Variants in MTSS1 observed in about 807,000 individuals in gnomAD.
MTSS1 encodes the protein protein MTSS 1.
Under a neutral mutation model 79.0 loss-of-function variants are expected in MTSS1, and 18 were observed. That is an observed-to-expected ratio of 0.23 (90% CI 0.16 to 0.34). The LOEUF (loss-of-function observed/expected upper bound fraction) is 0.34, where lower values mean the gene tolerates loss of function less well. Ranked by LOEUF, MTSS1 falls within the 10% of genes least tolerant of loss-of-function variation. The pLI is 1.00. For synonymous variants in MTSS1, 341 were observed against 368.6 expected (o/e 0.93, Z 0.86); for missense variants, 815 against 986.2 (o/e 0.83, Z 2.33).
At chr8:124,622,314 TG>T (rs1813721912) in intron 3 of MTSS1, among the ~76,000 whole-genome samples, 1 of 145,494 alleles carries the variant, frequency 6.9e-6, no homozygotes, top group Admixed American at 6.9e-5. Context: ...GGAGCAGGGG[TG>T]GGGGAGGTGA....
intron 3 of MTSS1, among the ~76,000 whole-genome samples, chr8:124,655,347 T>C (rs1587616527): frequency 1.3e-5 from 2 of 152,358 alleles, no homozygotes; most frequent in South Asian, 2.1e-4. Flanking sequence ...TCAAAGACAA[T>C]GTACTTCTGG....
chr8:124,716,027 C>T (rs539970083), intron 1 of MTSS1, among the ~76,000 whole-genome samples: 1 of 152,318 alleles, frequency 6.6e-6, no homozygotes, highest in Admixed American at 6.5e-5. Flanking sequence ...CGATGCCAAT[C>T]ACCCTGACTG....
At chr8:124,688,626 A>C (rs1187099635) in intron 3 of MTSS1, among the ~76,000 whole-genome samples, 4 of 152,226 alleles carry the variant, frequency 2.6e-5, no homozygotes, top group African/African-American at 9.6e-5. Flanking sequence ...TGGAAACCAG[A>C]TGACCACGGG....
intron 5 of MTSS1, among the ~76,000 whole-genome samples, chr8:124,585,692 G>C (rs1033127909): frequency 6.6e-6 from 1 of 152,134 alleles, no homozygotes. Flanking sequence ...ACAGGCATGA[G>C]CCACCATGCC....
chr8:124,656,490 G>A, intron 3 of MTSS1, among the ~76,000 whole-genome samples: 1 of 150,146 alleles, frequency 6.7e-6, no homozygotes, highest in Non-Finnish European at 1.5e-5. Context: ...TGAAAATGAA[G>A]GCTGGGCACA....
chr8:124,653,026 C>G (rs1222664812), intron 3 of MTSS1, among the ~76,000 whole-genome samples: 1 of 152,222 alleles, frequency 6.6e-6, no homozygotes, highest in Non-Finnish European at 1.5e-5. Flanking sequence ...TGCAGCGTGA[C>G]TTTCAAAGGC....
intron 3 of MTSS1, among the ~76,000 whole-genome samples, chr8:124,599,495 AAAAAAAAG>A (rs1218927263): frequency 4.2e-4 from 64 of 151,904 alleles, no homozygotes; most frequent in African/African-American, 1.4e-3. Context: ...AAAAAAAAAA[AAAAAAAAG>A]AGAGAGAGAA....
At chr8:124,566,398 T>A (rs920097162) in intron 8 of MTSS1, among the ~76,000 whole-genome samples, 24 of 152,128 alleles carry the variant, frequency 1.6e-4, no homozygotes, top group Non-Finnish European at 2.4e-4. Flanking sequence ...TTTGATAGAA[T>A]AGAAAACATG....
At chr8:124,692,359 G>A (rs576514450) in intron 3 of MTSS1, among the ~76,000 whole-genome samples, 6 of 147,708 alleles carry the variant, frequency 4.1e-5, no homozygotes, top group African/African-American at 1.3e-4. Flanking sequence ...ACATGTGGAT[G>A]CATCAATCTT....
intron 3 of MTSS1, among the ~76,000 whole-genome samples, chr8:124,672,737 A>G (rs920400544): frequency 1.3e-5 from 2 of 152,090 alleles, no homozygotes; most frequent in Non-Finnish European, 2.9e-5. Context: ...TTGAGCCAGG[A>G]AAGGCAAGGC....
At chr8:124,641,563 C>T (rs1427629056) in intron 3 of MTSS1, among the ~76,000 whole-genome samples, 1 of 152,188 alleles carries the variant, frequency 6.6e-6, no homozygotes, top group Non-Finnish European at 1.5e-5. Flanking sequence ...GGGCTCTTTA[C>T]CTGATTTATC....
At chr8:124,722,836 G>A (rs752563149) in intron 1 of MTSS1, among the ~76,000 whole-genome samples, 10 of 152,082 alleles carry the variant, frequency 6.6e-5, no homozygotes, top group East Asian at 1.9e-4. Flanking sequence ...AGGCAGTTCC[G>A]AGAAGTAATG....
intron 3 of MTSS1, among the ~76,000 whole-genome samples, chr8:124,626,661 T>C (rs1814734299): frequency 6.6e-6 from 1 of 151,728 alleles, no homozygotes; most frequent in South Asian, 2.1e-4. Flanking sequence ...AACCTGCCCT[T>C]GGGAGGAGAT....
chr8:124,679,632 G>C (rs764602940), intron 3 of MTSS1, among the ~76,000 whole-genome samples: 16 of 152,186 alleles, frequency 1.1e-4, no homozygotes, highest in Non-Finnish European at 1.9e-4. Flanking sequence ...GAGCATGTTG[G>C]CTAGACCAAG....
At chr8:124,622,959 C>T (rs540638691) in intron 3 of MTSS1, among the ~76,000 whole-genome samples, 1 of 152,274 alleles carries the variant, frequency 6.6e-6, no homozygotes, top group South Asian at 2.1e-4. Flanking sequence ...GGAGATGGGG[C>T]CCAAGGCAAA....
At chr8:124,581,237 G>T (rs1298527599) in intron 6 of MTSS1, among the ~76,000 whole-genome samples, 1 of 146,594 alleles carries the variant, frequency 6.8e-6, no homozygotes, top group African/African-American at 2.5e-5. Flanking sequence ...GAAGATCCCT[G>T]AAGCCCAGGA....
At chr8:124,584,850 C>CA (rs1381725931) in intron 6 of MTSS1, among the ~76,000 whole-genome samples, 2 of 152,186 alleles carry the variant, frequency 1.3e-5, no homozygotes, top group East Asian at 3.8e-4. Flanking sequence ...TGGAAACTGT[C>CA]AAACTTGGAA....
intron 3 of MTSS1, among the ~76,000 whole-genome samples, chr8:124,660,735 T>A (rs1821884834): frequency 6.6e-6 from 1 of 152,174 alleles, no homozygotes; most frequent in Non-Finnish European, 1.5e-5. Context: ...GTTCTAAAAT[T>A]CTGAATGTGG....
intron 2 of MTSS1, among the ~76,000 whole-genome samples, chr8:124,701,142 C>T (rs749085465): frequency 3.9e-5 from 6 of 152,104 alleles, no homozygotes; most frequent in Non-Finnish European, 7.3e-5. Context: ...GAGGCTGAGA[C>T]GGGATGACCA....
Sources: gnomAD v4.1 joint callset for allele counts (sites outside exome capture counted in the v4.1 genomes callset) on GRCh38, gnomAD v4.1.1 for gene constraint, MANE v1.5 for transcripts, NCBI Gene and HGNC (gene_info 2026-07-23, HGNC 2026-07-21) for gene names.